The following NXPH1 variants were observed in gnomAD, a reference collection of about 807,000 sequenced individuals.
The protein encoded by NXPH1 is neurexophilin-1.
In NXPH1, 5 loss-of-function variants were observed where a neutral mutation model predicts 23.7. The observed-to-expected ratio is 0.21, with a 90% CI of 0.11 to 0.44. The LOEUF (loss-of-function observed/expected upper bound fraction) is 0.44, where lower values mean the gene tolerates loss of function less well. NXPH1 is among the 20% of genes least tolerant of loss of function. The pLI is 0.99. For synonymous variants in NXPH1, 144 were observed against 122.2 expected (o/e 1.18, Z -1.18); for missense variants, 324 against 321.6 (o/e 1.01, Z -0.06).
intron 2 of NXPH1, among the ~76,000 whole-genome samples, chr7:8,559,231 T>A (rs1373168554): frequency 2.0e-5 from 3 of 151,708 alleles, no homozygotes; most frequent in Non-Finnish European, 4.4e-5. Context: ...GTGTTAAGAT[T>A]ATAGGCATGA....
intron 2 of NXPH1, among the ~76,000 whole-genome samples, chr7:8,589,718 G>A (rs977078314): frequency 6.6e-6 from 1 of 151,954 alleles, no homozygotes; most frequent in Non-Finnish European, 1.5e-5. Flanking sequence ...GGGGCTGAAC[G>A]GAAGCTATTA....
chr7:8,557,411 T>C (rs1818375269), intron 2 of NXPH1, among the ~76,000 whole-genome samples: 1 of 151,694 alleles, frequency 6.6e-6, no homozygotes. Flanking sequence ...TTCCATGGTA[T>C]ACTGGGGTCA....
chr7:8,701,260 A>T (rs1779619574), intron 2 of NXPH1, among the ~76,000 whole-genome samples: 1 of 152,066 alleles, frequency 6.6e-6, no homozygotes, highest in Admixed American at 6.6e-5. Context: ...CATGAGCATT[A>T]ATAAATTAGA....
chr7:8,575,444 G>A (rs1359202593), intron 2 of NXPH1, among the ~76,000 whole-genome samples: 1 of 152,116 alleles, frequency 6.6e-6, no homozygotes, highest in East Asian at 1.9e-4. Context: ...GAAATTTGGA[G>A]TTCATGTTTA....
intron 2 of NXPH1, among the ~76,000 whole-genome samples, chr7:8,536,786 A>T (rs1158066346): frequency 6.6e-6 from 1 of 151,960 alleles, no homozygotes; most frequent in Non-Finnish European, 1.5e-5. Flanking sequence ...GGAGAGAAGC[A>T]TTCATATTTA....
At chr7:8,741,734 A>G (rs1372253741) in intron 2 of NXPH1, among the ~76,000 whole-genome samples, 1 of 152,172 alleles carries the variant, frequency 6.6e-6, no homozygotes, top group Non-Finnish European at 1.5e-5. Context: ...TACAGGCTCT[A>G]AATTTGTAAG....
intron 2 of NXPH1, among the ~76,000 whole-genome samples, chr7:8,445,036 C>G (rs190827751): frequency 3.3e-5 from 5 of 152,308 alleles, no homozygotes; most frequent in African/African-American, 9.6e-5. Context: ...TCCTCCCACC[C>G]TCTTCATTTT....
chr7:8,518,694 C>G (rs1398057302), intron 2 of NXPH1, among the ~76,000 whole-genome samples: 3 of 152,082 alleles, frequency 2.0e-5, no homozygotes, highest in Non-Finnish European at 4.4e-5. Flanking sequence ...CTATGTCTCC[C>G]CAGGTGGCCT....
At chr7:8,650,080 A>C (rs903576052) in intron 2 of NXPH1, among the ~76,000 whole-genome samples, 1 of 152,176 alleles carries the variant, frequency 6.6e-6, no homozygotes, top group Non-Finnish European at 1.5e-5. Context: ...ACAGTTGTAC[A>C]AGAAGGATGC....
chr7:8,693,311 CCTT>C (rs1821252287), intron 2 of NXPH1, among the ~76,000 whole-genome samples: 1 of 152,166 alleles, frequency 6.6e-6, no homozygotes, highest in Non-Finnish European at 1.5e-5. Flanking sequence ...ACATGTGTGT[CCTT>C]CTGTGCGTAA....
At chr7:8,621,628 C>T (rs979171199) in intron 2 of NXPH1, among the ~76,000 whole-genome samples, 1 of 151,896 alleles carries the variant, frequency 6.6e-6, no homozygotes, top group African/African-American at 2.4e-5. Flanking sequence ...GCTGGGATTA[C>T]AGGCGTCTGG....
In NXPH1 at chr7:8,711,143, A is replaced by C. The variant is rs115513826; in HGVS notation, c.55-39865A>C. Among the ~76,000 whole-genome samples, 741 of 152,280 alleles carry C rather than the reference A, an allele frequency of 4.9e-3. 12 individuals are homozygous for C. Among genetic ancestry groups the C allele is most frequent in the African/African-American group, 0.017 (704 of 41,556 alleles). On this transcript the variant is annotated intron_variant, in intron 2 of 2. Coordinates refer to ENST00000405863, the MANE Select transcript of NXPH1 (RefSeq NM_152745.3). ...AAAACTAAAGGGTGAACCATTTCCA[A>C]GTAATGACTGCCTACGAGTGGCCTA...
At chr7:8,467,924 T>A (rs1816810661) in intron 2 of NXPH1, among the ~76,000 whole-genome samples, 1 of 152,172 alleles carries the variant, frequency 6.6e-6, no homozygotes, top group Non-Finnish European at 1.5e-5. Context: ...CATTGTATAC[T>A]ATCAGTATTA....
intron 2 of NXPH1, among the ~76,000 whole-genome samples, chr7:8,645,322 A>T (rs1194282793): frequency 6.6e-6 from 1 of 152,102 alleles, no homozygotes; most frequent in Non-Finnish European, 1.5e-5. Context: ...CTCCCTCAGC[A>T]ATATTTTCAA....
intron 2 of NXPH1, among the ~76,000 whole-genome samples, chr7:8,528,493 C>T (rs1294469389): frequency 6.6e-6 from 1 of 152,226 alleles, no homozygotes; most frequent in African/African-American, 2.4e-5. Flanking sequence ...GAAATCTGCA[C>T]AGATGAAGTG....
chr7:8,476,050 A>G (rs1306225671), intron 2 of NXPH1, among the ~76,000 whole-genome samples: 1 of 152,160 alleles, frequency 6.6e-6, no homozygotes, highest in Non-Finnish European at 1.5e-5. Flanking sequence ...CTCTTACATG[A>G]TGCAAGTAAT....
intron 2 of NXPH1, among the ~76,000 whole-genome samples, chr7:8,504,295 C>T (rs528729860): frequency 1.9e-4 from 29 of 152,144 alleles, no homozygotes; most frequent in East Asian, 1.4e-3. Context: ...AAGACTAAGG[C>T]AATATTTTAC....
intron 2 of NXPH1, among the ~76,000 whole-genome samples, chr7:8,740,373 T>G (rs1780340912): frequency 1.3e-5 from 2 of 152,190 alleles, no homozygotes; most frequent in African/African-American, 4.8e-5. Flanking sequence ...AGGCATGTAT[T>G]TATCCCCATG....
intron 2 of NXPH1, among the ~76,000 whole-genome samples, chr7:8,527,750 G>A (rs1817886957): frequency 2.0e-5 from 3 of 152,140 alleles, no homozygotes; most frequent in South Asian, 2.1e-4. Context: ...GATCCAATAT[G>A]AAATTGTTTG....
Sources: gnomAD v4.1 joint callset for allele counts (sites outside exome capture counted in the v4.1 genomes callset) on GRCh38, gnomAD v4.1.1 for gene constraint, MANE v1.5 for transcripts, NCBI Gene and HGNC (gene_info 2026-07-23, HGNC 2026-07-21) for gene names.